Variants in KCTD16 observed in about 807,000 individuals in gnomAD.
KCTD16 encodes the protein potassium channel tetramerization domain containing 16.
A neutral mutation model predicts 33.2 loss-of-function variants in KCTD16; 13 were observed. That is an observed-to-expected ratio of 0.39 (90% CI 0.25 to 0.62). KCTD16 has a LOEUF of 0.62. Ranked by LOEUF, KCTD16 falls within the 20% of genes least tolerant of loss-of-function variation. The probability of loss-of-function intolerance (pLI) is 0.50; values close to 1 mark genes in which losing one functional copy is unlikely to be tolerated. For synonymous variants in KCTD16, 197 were observed against 195.3 expected (o/e 1.01, Z -0.07); for missense variants, 441 against 525.1 (o/e 0.84, Z 1.57).
At chr5:144,451,556 A>G (rs982131970) in intron 3 of KCTD16, among the ~76,000 whole-genome samples, 5 of 152,198 alleles carry the variant, frequency 3.3e-5, no homozygotes, top group Non-Finnish European at 7.4e-5. Flanking sequence ...TTGAAGCTCT[A>G]TTAAAATCAA....
chr5:144,270,292 C>T (rs1269571638), intron 3 of KCTD16, among the ~76,000 whole-genome samples: 1 of 151,838 alleles, frequency 6.6e-6, no homozygotes, highest in Non-Finnish European at 1.5e-5. Context: ...TATGTTAGGA[C>T]ACAGACTCAG....
intron 3 of KCTD16, among the ~76,000 whole-genome samples, chr5:144,279,660 A>G (rs1252765307): frequency 1.3e-5 from 2 of 152,220 alleles, no homozygotes; most frequent in African/African-American, 2.4e-5. Context: ...GAGAGCAAAC[A>G]AGAAGGAGCC....
intron 3 of KCTD16, among the ~76,000 whole-genome samples, chr5:144,254,316 G>GT (rs888211872): frequency 6.6e-5 from 8 of 121,868 alleles, no homozygotes; most frequent in African/African-American, 1.4e-4. Flanking sequence ...TTTTTTTTTT[G>GT]TTTTTTTAGT....
At chr5:144,318,128 G>A (rs1751972371) in intron 3 of KCTD16, among the ~76,000 whole-genome samples, 1 of 152,224 alleles carries the variant, frequency 6.6e-6, no homozygotes, top group South Asian at 2.1e-4. Context: ...GGAGACTGAA[G>A]GAGAAGGGGT....
At chr5:144,391,490 G>A (rs1580925980) in intron 3 of KCTD16, among the ~76,000 whole-genome samples, 1 of 152,186 alleles carries the variant, frequency 6.6e-6, no homozygotes, top group Non-Finnish European at 1.5e-5. Flanking sequence ...GTCCCCACAT[G>A]AATACTTCCA....
chr5:144,228,474 T>C (rs1382879521), intron 3 of KCTD16, among the ~76,000 whole-genome samples: 3 of 152,186 alleles, frequency 2.0e-5, no homozygotes, highest in Non-Finnish European at 2.9e-5. Flanking sequence ...AAAAGCCTCA[T>C]TGGAATGTAT....
chr5:144,254,776 CTT>C (rs373745195), intron 3 of KCTD16, among the ~76,000 whole-genome samples: 4,621 of 149,286 alleles, frequency 0.031, 94 homozygotes, highest in Middle Eastern at 0.063. Context: ...ATTTGTCTTT[CTT>C]TTTTTTTTAA....
intron 2 of KCTD16, among the ~76,000 whole-genome samples, chr5:144,198,390 A>T (rs2126784129): frequency 6.6e-6 from 1 of 152,272 alleles, no homozygotes; most frequent in South Asian, 2.1e-4. Context: ...AAGGGAAAAA[A>T]GTGGTATTCA....
intron 3 of KCTD16, among the ~76,000 whole-genome samples, chr5:144,227,790 T>G (rs1239980699): frequency 6.6e-6 from 1 of 152,174 alleles, no homozygotes; most frequent in Non-Finnish European, 1.5e-5. Context: ...TTTCTGAATA[T>G]ATTTTGAAGG....
At chr5:144,216,855 A>AG (rs112655389) in intron 3 of KCTD16, among the ~76,000 whole-genome samples, 9,539 of 151,198 alleles carry the variant, frequency 0.063, 1,016 homozygotes, top group African/African-American at 0.22. Flanking sequence ...AAAAAAAAAA[A>AG]AAAAAGAAAA....
intron 1 of KCTD16, among the ~76,000 whole-genome samples, chr5:144,171,397 A>G (rs1277665042): frequency 6.6e-6 from 1 of 152,194 alleles, no homozygotes; most frequent in Admixed American, 6.5e-5. Context: ...CAAAGAGAAC[A>G]ATGTGTGCAA....
intron 3 of KCTD16, among the ~76,000 whole-genome samples, chr5:144,389,002 G>A (rs906639136): frequency 6.6e-6 from 1 of 152,146 alleles, no homozygotes; most frequent in South Asian, 2.1e-4. Flanking sequence ...ATCAAGGATG[G>A]TCATAAAGGA....
chr5:144,230,300 C>CT (rs1231063796), intron 3 of KCTD16, among the ~76,000 whole-genome samples: 2 of 152,110 alleles, frequency 1.3e-5, no homozygotes, highest in African/African-American at 4.8e-5. Context: ...TATTTGAATG[C>CT]TTTATTGTAT....
chr5:144,439,801 T>C (rs1046810078), intron 3 of KCTD16, among the ~76,000 whole-genome samples: 2 of 152,204 alleles, frequency 1.3e-5, no homozygotes, highest in Admixed American at 6.5e-5. Flanking sequence ...AGGTATCGTG[T>C]AAACTTGCTG....
At chr5:144,421,884 A>G (rs1753219708) in intron 3 of KCTD16, among the ~76,000 whole-genome samples, 2 of 152,118 alleles carry the variant, frequency 1.3e-5, no homozygotes, top group Non-Finnish European at 2.9e-5. Context: ...AGTGGACAGA[A>G]ATCATATAGA....
At chr5:144,412,066 A>G (rs982682032) in intron 3 of KCTD16, among the ~76,000 whole-genome samples, 4 of 152,228 alleles carry the variant, frequency 2.6e-5, no homozygotes, top group Admixed American at 1.3e-4. Context: ...ATGCTTGTAT[A>G]TTGTTGGTGG....
At chr5:144,350,715 A>G (rs182000567) in intron 3 of KCTD16, among the ~76,000 whole-genome samples, 16 of 151,960 alleles carry the variant, frequency 1.1e-4, no homozygotes, top group African/African-American at 3.1e-4. Flanking sequence ...CAGGCAATTT[A>G]TATTTTAATA....
intron 3 of KCTD16, among the ~76,000 whole-genome samples, chr5:144,335,444 A>G (rs1313305398): frequency 1.3e-5 from 2 of 152,218 alleles, no homozygotes; most frequent in East Asian, 1.9e-4. Context: ...TGTTTGTTCA[A>G]TGACCATATA....
chr5:144,238,980 A>T (rs1035027281), intron 3 of KCTD16, among the ~76,000 whole-genome samples: 1 of 152,150 alleles, frequency 6.6e-6, no homozygotes, highest in African/African-American at 2.4e-5. Flanking sequence ...CTCTGATAGG[A>T]GCCAGCATGT....
Sources: allele counts gnomAD v4.1 joint callset (sites outside exome capture counted in the v4.1 genomes callset), GRCh38; gene constraint gnomAD v4.1.1; transcripts MANE v1.5; gene names NCBI Gene and HGNC (gene_info 2026-07-23, HGNC 2026-07-21).